Variants in PACSIN2 observed in about 807,000 individuals in gnomAD.
PACSIN2 encodes protein kinase C and casein kinase substrate in neurons protein 2.
Under a neutral mutation model 63.8 loss-of-function variants are expected in PACSIN2, and 25 were observed. That is an observed-to-expected ratio of 0.39 (90% CI 0.29 to 0.55). PACSIN2 has a LOEUF of 0.55. PACSIN2 is among the 20% of genes least tolerant of loss of function. PACSIN2 has a pLI of 0.62. For synonymous variants in PACSIN2, 255 were observed against 256.2 expected (o/e 1.00, Z 0.05); for missense variants, 518 against 646.9 (o/e 0.80, Z 2.16).
At chr22:42,899,584 A>G (rs1170713544) in intron 2 of PACSIN2, among the ~76,000 whole-genome samples, 1 of 152,158 alleles carries the variant, frequency 6.6e-6, no homozygotes, top group Admixed American at 6.5e-5. Flanking sequence ...CCTTTACTGG[A>G]TATACTGGTG....
intron 2 of PACSIN2, among the ~76,000 whole-genome samples, chr22:42,901,020 C>T (rs1040945503): frequency 4.6e-5 from 7 of 152,206 alleles, no homozygotes; most frequent in Non-Finnish European, 8.8e-5. Context: ...CCTGTCCCCA[C>T]CATATGCCAA....
intron 1 of PACSIN2, among the ~76,000 whole-genome samples, chr22:43,014,624 C>G (rs1355556756): frequency 6.6e-6 from 1 of 151,978 alleles, no homozygotes; most frequent in Non-Finnish European, 1.5e-5. Flanking sequence ...CCCCAGCTCC[C>G]CCTTCTGCAG....
At chr22:42,933,425 G>A (rs1057279666) in intron 1 of PACSIN2, among the ~76,000 whole-genome samples, 7 of 152,208 alleles carry the variant, frequency 4.6e-5, no homozygotes, top group African/African-American at 1.7e-4. Context: ...CCTGCCCAAA[G>A]TGGAAGCCTC....
At chr22:42,874,716 C>G (rs1928454289) in intron 10 of PACSIN2, among the ~76,000 whole-genome samples, 2 of 152,332 alleles carry the variant, frequency 1.3e-5, no homozygotes, top group South Asian at 4.1e-4. Flanking sequence ...TGGTCCTGGC[C>G]AACAGCTTCT....
intron 1 of PACSIN2, among the ~76,000 whole-genome samples, chr22:43,009,762 C>A (rs886838763): frequency 2.0e-5 from 3 of 152,136 alleles, no homozygotes; most frequent in Admixed American, 6.6e-5. Context: ...TAAACCACCA[C>A]ACATGCACTT....
intron 2 of PACSIN2, among the ~76,000 whole-genome samples, chr22:42,908,928 A>G (rs1931265670): frequency 6.6e-6 from 1 of 151,998 alleles, no homozygotes; most frequent in African/African-American, 2.4e-5. Context: ...CTCCATAAGC[A>G]TCTTCTTTGT....
chr22:42,940,326 T>C (rs926628133), intron 1 of PACSIN2, among the ~76,000 whole-genome samples: 1 of 152,220 alleles, frequency 6.6e-6, no homozygotes, highest in Non-Finnish European at 1.5e-5. Context: ...CATTAGATCG[T>C]GACCTTATAC....
chr22:42,897,263 A>G (rs1336327501), intron 2 of PACSIN2, among the ~76,000 whole-genome samples: 3 of 152,220 alleles, frequency 2.0e-5, no homozygotes, highest in African/African-American at 7.2e-5. Context: ...TATTTTTTAA[A>G]AAATCAAACG....
intron 2 of PACSIN2, among the ~76,000 whole-genome samples, chr22:42,900,338 A>C (rs1170610401): frequency 6.6e-6 from 1 of 152,148 alleles, no homozygotes; most frequent in Non-Finnish European, 1.5e-5. Context: ...ACACTGAGTG[A>C]TTTTCACTAG....
intron 2 of PACSIN2, among the ~76,000 whole-genome samples, chr22:42,901,733 A>G (rs1248901465): frequency 1.3e-5 from 2 of 152,184 alleles, no homozygotes; most frequent in Non-Finnish European, 2.9e-5. Flanking sequence ...TCTGGGGGTC[A>G]GGGTGGGGGG....
At position 42,913,760 on chromosome 22, in the gene PACSIN2, GT is replaced by G. The variant is rs530426970; in HGVS notation, c.-77-1604del. On this transcript the variant is annotated intron_variant, in intron 1 of 10. Coordinates refer to ENST00000263246, the MANE Select transcript of PACSIN2 (RefSeq NM_001184970.3). ...ATTGATGTTCAGTAATTTGCCCACG[GT>G]TGTCCAAGTAATGGCTGGTGGAGAC... is the stretch of plus-strand genomic sequence containing the variant. Among the ~76,000 whole-genome samples the G allele has an allele frequency of 2.0e-4, 31 of 152,244 alleles. 2 individuals are homozygous for G. In the South Asian group the frequency reaches 6.4e-3, roughly 32 times the overall value.
At chr22:42,962,775 CGG>C (rs1555936911) in intron 1 of PACSIN2, among the ~76,000 whole-genome samples, 451 of 16,412 alleles carry the variant, frequency 0.027, 7 homozygotes, top group African/African-American at 0.074. Flanking sequence ...AAGGTGTGGG[CGG>C]GGGGGGGGGG....
chr22:42,995,574 T>G (rs900469140), intron 1 of PACSIN2, among the ~76,000 whole-genome samples: 1 of 152,192 alleles, frequency 6.6e-6, no homozygotes, highest in Non-Finnish European at 1.5e-5. Context: ...ATACAACTAC[T>G]CAGTCAAGAA....
rs1378313259 is a variant in PACSIN2, at chr22:42,980,081, AAG to A, written c.-78+34938_-78+34939del. 8.5e-5 allele frequency among the ~76,000 whole-genome samples: 13 copies of A among 152,116 alleles called. 1 individual carries two copies. The highest frequency in any genetic ancestry group is 6.5e-5 in the Admixed American group (1 of 15,272). On this transcript the variant is annotated intron_variant, in intron 1 of 10. Coordinates refer to ENST00000263246, the MANE Select transcript of PACSIN2 (RefSeq NM_001184970.3). ...AAAACAAGTTGTTAATTAAAAAAAA[AAG>A]AAAGAAAGAAACAATCTGCTAACTA...
intron 1 of PACSIN2, among the ~76,000 whole-genome samples, chr22:42,935,195 G>A (rs1001580913): frequency 6.6e-6 from 1 of 151,978 alleles, no homozygotes; most frequent in Non-Finnish European, 1.5e-5. Flanking sequence ...AAAGTGCTGG[G>A]ATTATAGGCG....
At chr22:42,893,057 T>C (rs898296030) in intron 3 of PACSIN2, among the ~76,000 whole-genome samples, 13 of 152,212 alleles carry the variant, frequency 8.5e-5, no homozygotes, top group African/African-American at 3.1e-4. Context: ...TGCCAGGTGT[T>C]GCCAGCTAGT....
Position 42,897,617 on chromosome 22 carries a change from T to A in PACSIN2, c.61-4004A>T, listed in dbSNP as rs77026686. 4.1e-3 allele frequency among the ~76,000 whole-genome samples: 619 copies of A among 152,296 alleles called. 1 individual carries two copies. The highest frequency in any genetic ancestry group is 0.014 in the African/African-American group (563 of 41,552). ...AAACTAAGCTACCAAAGACAAATGC[T>A]CAGCATACATGTGCCTGGACATCCC... On this transcript the variant is annotated intron_variant, in intron 2 of 10. Transcript: ENST00000263246.
intron 1 of PACSIN2, among the ~76,000 whole-genome samples, chr22:42,965,920 TAA>T (rs1450844311): frequency 9.9e-6 from 1 of 101,152 alleles, no homozygotes; most frequent in African/African-American, 3.9e-5. Flanking sequence ...CATAAATAAA[TAA>T]ATAATCATAA....
At chr22:43,010,438 G>A (rs1288354772) in intron 1 of PACSIN2, among the ~76,000 whole-genome samples, 2 of 137,968 alleles carry the variant, frequency 1.4e-5, no homozygotes, top group Non-Finnish European at 1.6e-5. Context: ...GGCCAGGCAC[G>A]GTGGCTCACG....
Sources: allele counts gnomAD v4.1 joint callset (sites outside exome capture counted in the v4.1 genomes callset), GRCh38; gene constraint gnomAD v4.1.1; transcripts MANE v1.5; gene names NCBI Gene and HGNC (gene_info 2026-07-23, HGNC 2026-07-21).